The following TRMT10B variants were observed in gnomAD, a reference collection of about 807,000 sequenced individuals.
The protein encoded by TRMT10B is tRNA methyltransferase 10 homolog B.
Under a neutral mutation model 43.8 loss-of-function variants are expected in TRMT10B, and 33 were observed. That is an observed-to-expected ratio of 0.75 (90% CI 0.57 to 1.01). The LOEUF (loss-of-function observed/expected upper bound fraction) is 1.01. TRMT10B is among the 50% of genes least tolerant of loss of function. The pLI is 0.00. For missense variants in TRMT10B, 362 were observed against 369.8 expected, an observed-to-expected ratio of 0.98 and a Z score of 0.17; for synonymous variants, 137 against 130.6, an observed-to-expected ratio of 1.05 and a Z score of -0.34.
intron 1 of TRMT10B, among the ~76,000 whole-genome samples, chr9:37,754,253 G>A (rs1825346752): frequency 6.6e-6 from 1 of 152,200 alleles, no homozygotes; most frequent in African/African-American, 2.4e-5. Context: ...GGATGGAGGA[G>A]GTTCCGACAA....
chr9:37,778,004 CAA>C lies in TRMT10B; in HGVS notation c.*306_*307del. On this transcript the variant is annotated 3_prime_UTR_variant, in exon 9 of 9. Coordinates refer to ENST00000297994, the MANE Select transcript of TRMT10B (RefSeq NM_144964.4). Reference sequence around the variant, plus strand: ...TGGGTGACAGAGCAAGACTCCATCTCAAAAAAAAAATAAATAAAAAAAAATGC... The same window carrying C: ...TGGGTGACAGAGCAAGACTCCATCTCAAAAAAAATAAATAAAAAAAAATGC... The C allele has an allele frequency of 1.6e-5, 3 of 187,552 alleles. No homozygotes were observed. Among genetic ancestry groups the C allele is most frequent in the South Asian group, 2.1e-4 (2 of 9,524 alleles). The allele number at this position is 187,552 out of a possible 1,614,324, so 11.6% of individuals were successfully genotyped here.
intron 1 of TRMT10B, among the ~76,000 whole-genome samples, chr9:37,754,097 G>C (rs1417074603): frequency 1.3e-5 from 2 of 152,276 alleles, no homozygotes; most frequent in Non-Finnish European, 2.9e-5. Context: ...CTTAGCGGCA[G>C]TGTAGGTACC....
intron 1 of TRMT10B, among the ~76,000 whole-genome samples, chr9:37,756,829 C>T (rs564359496): frequency 2.7e-4 from 40 of 147,250 alleles, no homozygotes; most frequent in Admixed American, 8.8e-4. Context: ...TGTGTGTATG[C>T]GTGTGTATGT....
At chr9:37,753,288 T>C (rs1825154701), upstream of TRMT10B, among the ~76,000 whole-genome samples, 1 of 152,204 alleles carries the variant, frequency 6.6e-6, no homozygotes, top group South Asian at 2.1e-4. Context: ...CACAATATGA[T>C]ATCAGGTTGG....
At chr9:37,764,679 C>T (rs894960045) in intron 4 of TRMT10B, among the ~76,000 whole-genome samples, 6 of 152,122 alleles carry the variant, frequency 3.9e-5, no homozygotes, top group African/African-American at 1.4e-4. Flanking sequence ...CTGCCTCAGC[C>T]TCCCAAAGTG....
At chr9:37,776,020 G>A (rs1828100888) in intron 7 of TRMT10B, among the ~76,000 whole-genome samples, 1 of 152,140 alleles carries the variant, frequency 6.6e-6, no homozygotes, top group Non-Finnish European at 1.5e-5. Flanking sequence ...AGACTGCTTG[G>A]GCCTTTTGAT....
rs769748789 is a variant in TRMT10B, at chr9:37,776,387, A to C, written c.826A>C (p.Ile276Leu). 3.1e-6 allele frequency: 5 copies of C among 1,608,470 alleles called. No individual in the cohort carries two copies. In the South Asian group the frequency reaches 5.6e-5, roughly 18 times the overall value. ...NQNGKNYHSE[I>L]LAINQVFDIL... ...GAATGGGAAAAACTATCATTCAGAGATACTGGCCATCAATCAAGGTACTTC... is the reference window on the plus strand; with the variant it reads ...GAATGGGAAAAACTATCATTCAGAGCTACTGGCCATCAATCAAGGTACTTC... The change falls in exon 8 of 9, where the codon ATA (isoleucine) becomes CTA (leucine). Residue 276 changes from isoleucine to leucine, a missense_variant. Ile to Leu is a conservative substitution (Grantham distance 5, BLOSUM62 2). Transcript: ENST00000297994.
intron 7 of TRMT10B, among the ~76,000 whole-genome samples, chr9:37,770,973 G>A (rs10973532): frequency 6.6e-6 from 1 of 152,204 alleles, no homozygotes; most frequent in Non-Finnish European, 1.5e-5. Flanking sequence ...TAATTACATA[G>A]CCATTGTTGA....
chr9:37,777,653 G>A lies in TRMT10B; in HGVS notation c.897G>A (p.Leu299=), dbSNP rs1372408190. The A allele has an allele frequency of 4.3e-6, 7 of 1,613,794 alleles. No homozygotes were observed. Among genetic ancestry groups the A allele is most frequent in the Non-Finnish European group, 5.9e-6 (7 of 1,179,968 alleles). Residue 299 remains leucine (L), a synonymous_variant, in exon 9 of 9, where the codon TTG becomes TTA. Coordinates refer to ENST00000297994, the MANE Select transcript of TRMT10B (RefSeq NM_144964.4). ...YLETHNWPEA[L]KKGVSSGKGY... is the part of the protein sequence containing the mutation. ...AGACTCACAACTGGCCTGAAGCATT[G>A]AAGAAAGGAGTTTCTTCAGGAAAAG...
At chr9:37,756,818 ATG>A (rs10673501) in intron 1 of TRMT10B, among the ~76,000 whole-genome samples, 14 of 149,734 alleles carry the variant, frequency 9.3e-5, no homozygotes, top group African/African-American at 2.0e-4. Context: ...ATGTGTGCAT[ATG>A]TGTGTATGCG....
Position 37,761,993 on chromosome 9 carries a change from A to G in TRMT10B, c.62A>G (p.Glu21Gly). The G allele has an allele frequency of 6.2e-7, 1 of 1,614,010 alleles. No homozygotes were observed. Among genetic ancestry groups the G allele is most frequent in the South Asian group, 1.1e-5 (1 of 91,056 alleles). ...KVESPVLQGQ[E>G]GILEETGEDG... ...GAGTCACCTGTGCTGCAGGGGCAAG[A>G]AGGCATCCTAGAGGAGACAGGTGAA... The change falls in exon 2 of 9, where the codon GAA becomes GGA. Residue 21 changes from glutamate (E) to glycine (G), a missense_variant. By Grantham distance (98) the Glu-to-Gly change is moderately conservative. Coordinates refer to ENST00000297994, the MANE Select transcript of TRMT10B (RefSeq NM_144964.4).
Position 37,763,666 on chromosome 9 carries a change from TC to T in TRMT10B, c.334del (p.Leu112Ter), listed in dbSNP as rs1169617013. 2.5e-6 allele frequency: 4 copies of T among 1,614,194 alleles called. No homozygotes were observed. Among genetic ancestry groups the T allele is most frequent in the Non-Finnish European group, 3.4e-6 (4 of 1,180,034 alleles). On this transcript the variant is annotated frameshift_variant, in exon 4 of 9. Transcript: ENST00000297994. LOFTEE classifies it high-confidence loss of function. ...PQHSKRFLRA[L>X]TKDKLLEAKH... ...AGCACAGCAAACGTTTCCTGAGAGCTCTAACCAAAGACAAACTTTTGGAAGC... is the reference window on the plus strand; with the variant it reads ...AGCACAGCAAACGTTTCCTGAGAGCTTAACCAAAGACAAACTTTTGGAAGC...
chr9:37,754,860 C>T (rs780007072), intron 1 of TRMT10B, among the ~76,000 whole-genome samples: 17 of 152,178 alleles, frequency 1.1e-4, no homozygotes, highest in Non-Finnish European at 2.1e-4. Context: ...GTTACAATGG[C>T]AATTAAGTTT....
Position 37,762,598 on chromosome 9 carries a change from A to G in TRMT10B, c.208A>G (p.Arg70Gly). The G allele has an allele frequency of 6.3e-7, 1 of 1,595,228 alleles. No homozygotes were observed. The change falls in exon 3 of 9, where the codon AGA becomes GGA. Residue 70 changes from arginine (R) to glycine (G), a missense_variant. Physicochemically the swap from Arg to Gly is moderately radical, Grantham distance 125. Coordinates refer to ENST00000297994, the MANE Select transcript of TRMT10B (RefSeq NM_144964.4). ...WCSKNVQRKQ[R>G]HWEKIVAAKK... ...TAAGAAAAATGTCCAGAGAAAACAG[A>G]GACACTGGGAAAAGATAGTTGCAGC...
At chr9:37,777,343 A>G (rs962743724) in intron 8 of TRMT10B, among the ~76,000 whole-genome samples, 5 of 148,594 alleles carry the variant, frequency 3.4e-5, no homozygotes, top group African/African-American at 1.3e-4. Flanking sequence ...CCCAGGCCAC[A>G]GCAGAGCCCT....
chr9:37,777,495 G>A (rs1256356621), intron 8 of TRMT10B, 106 bp from the exon 9 acceptor site: 13 of 908,124 alleles, frequency 1.4e-5, no homozygotes, highest in African/African-American at 3.3e-5. Flanking sequence ...TACCACATAT[G>A]GTGCAGAATA....
chr9:37,760,704 TAGG>T (rs1197570026), intron 1 of TRMT10B, among the ~76,000 whole-genome samples: 16 of 152,200 alleles, frequency 1.1e-4, no homozygotes, highest in Non-Finnish European at 2.4e-4. Flanking sequence ...GTGGAAGGGA[TAGG>T]AGTGTGGATT....
chr9:37,767,639 TTGTC>T (rs1336320361), intron 4 of TRMT10B: 1 of 152,292 alleles, frequency 6.6e-6, no homozygotes, highest in Non-Finnish European at 1.5e-5. Flanking sequence ...TATAAGAGCA[TTGTC>T]TGTGATTCAG....
At chr9:37,763,396 G>A (rs1038319775) in intron 3 of TRMT10B, among the ~76,000 whole-genome samples, 2 of 152,084 alleles carry the variant, frequency 1.3e-5, no homozygotes, top group African/African-American at 2.4e-5. Flanking sequence ...ACATAATTAT[G>A]CCCAAGATAA....
Sources: allele counts gnomAD v4.1 joint callset (sites outside exome capture counted in the v4.1 genomes callset), GRCh38; gene constraint gnomAD v4.1.1; transcripts MANE v1.5; gene names NCBI Gene and HGNC (gene_info 2026-07-23, HGNC 2026-07-21).